The following SHANK2 variants were observed in gnomAD, a reference collection of about 807,000 sequenced individuals.
SHANK2 encodes SH3 and multiple ankyrin repeat domains 2, also known as SH3 and multiple ankyrin repeat domains protein 2.
In SHANK2, 43 loss-of-function variants were observed where a neutral mutation model predicts 133.7. That is an observed-to-expected ratio of 0.32 (90% CI 0.25 to 0.41). The LOEUF (loss-of-function observed/expected upper bound fraction) is 0.41. Among genes scored for constraint, SHANK2 ranks in the 10% least tolerant of loss-of-function variants. The pLI, the probability that SHANK2 is intolerant of heterozygous loss-of-function variation, is 1.00. For synonymous variants in SHANK2, 1,017 were observed against 952.8 expected (o/e 1.07, Z -1.24); for missense variants, 1,994 against 2,235.8 (o/e 0.89, Z 2.18).
intron 2 of SHANK2, among the ~76,000 whole-genome samples, chr11:71,183,159 A>G (rs1156844642): frequency 6.6e-6 from 1 of 152,198 alleles, no homozygotes; most frequent in Non-Finnish European, 1.5e-5. Flanking sequence ...AAGGCGAAAT[A>G]AAGAGGCTCT....
intron 2 of SHANK2, among the ~76,000 whole-genome samples, chr11:71,182,860 T>C (rs1318813318): frequency 6.6e-6 from 1 of 152,162 alleles, no homozygotes; most frequent in African/African-American, 2.4e-5. Context: ...AGCTCAATGT[T>C]TCTCTCCCAC....
chr11:70,889,779 C>A (rs1171858961), intron 11 of SHANK2, among the ~76,000 whole-genome samples: 1 of 152,090 alleles, frequency 6.6e-6, no homozygotes, highest in African/African-American at 2.4e-5. Flanking sequence ...ACAGTCAGGA[C>A]CAGGACCAGG....
At chr11:70,580,931 CTCT>C (rs2060176966) in intron 17 of SHANK2, among the ~76,000 whole-genome samples, 1 of 152,234 alleles carries the variant, frequency 6.6e-6, no homozygotes, top group South Asian at 2.1e-4. Context: ...CCCCACACTC[CTCT>C]GTCACTCTGC....
chr11:70,914,207 C>T (rs1345104442), intron 10 of SHANK2, among the ~76,000 whole-genome samples: 1 of 152,042 alleles, frequency 6.6e-6, no homozygotes, highest in Non-Finnish European at 1.5e-5. Context: ...TTCCGGAAAT[C>T]GGGCTCTGGG....
chr11:70,715,434 C>T (rs1329106282), intron 14 of SHANK2, among the ~76,000 whole-genome samples: 2 of 152,190 alleles, frequency 1.3e-5, no homozygotes, highest in African/African-American at 4.8e-5. Context: ...CACACTAGCC[C>T]TTCTTGCAGC....
chr11:71,251,960 C>T (rs1948189337), intron 1 of SHANK2, among the ~76,000 whole-genome samples: 2 of 152,046 alleles, frequency 1.3e-5, no homozygotes, highest in Non-Finnish European at 2.9e-5. Context: ...CCGGCTCCTC[C>T]GCTGGGCTCG....
chr11:70,905,767 C>T (rs1013176157), intron 10 of SHANK2, among the ~76,000 whole-genome samples: 2 of 151,990 alleles, frequency 1.3e-5, no homozygotes, highest in Non-Finnish European at 2.9e-5. Context: ...TATAACAGAT[C>T]CATGCCTATT....
At chr11:71,095,857 T>C (rs1280968876) in intron 6 of SHANK2, among the ~76,000 whole-genome samples, 4 of 152,168 alleles carry the variant, frequency 2.6e-5, no homozygotes, top group Admixed American at 2.0e-4. Context: ...TGTGTAGACA[T>C]GCCAGCATCT....
intron 14 of SHANK2, among the ~76,000 whole-genome samples, chr11:70,716,901 C>A (rs998171072): frequency 4.0e-5 from 6 of 149,524 alleles, no homozygotes; most frequent in African/African-American, 9.9e-5. Flanking sequence ...CGGAGCCCCC[C>A]CCCCGCCCAA....
chr11:71,117,208 C>G (rs1292356197), intron 4 of SHANK2, among the ~76,000 whole-genome samples: 2 of 152,028 alleles, frequency 1.3e-5, no homozygotes, highest in South Asian at 2.1e-4. Context: ...TTAGTAGAGA[C>G]GGAGTTTCAC....
intron 3 of SHANK2, among the ~76,000 whole-genome samples, chr11:71,146,519 A>G (rs1467307486): frequency 6.6e-6 from 1 of 152,252 alleles, no homozygotes; most frequent in Non-Finnish European, 1.5e-5. Context: ...AAGGACAGAC[A>G]TCCAGGACAC....
intron 17 of SHANK2, among the ~76,000 whole-genome samples, chr11:70,649,417 C>A (rs181124111): frequency 6.6e-6 from 1 of 152,328 alleles, no homozygotes; most frequent in East Asian, 1.9e-4. Context: ...TCATCCCACT[C>A]TGCTTACTGT....
intron 11 of SHANK2, among the ~76,000 whole-genome samples, chr11:70,865,535 G>A (rs1949341361): frequency 6.6e-6 from 1 of 152,158 alleles, no homozygotes; most frequent in Admixed American, 6.5e-5. Flanking sequence ...AGATGCAGCT[G>A]CGCGTGCCTC....
At chr11:70,568,646 G>GGCCCCCCCC (rs2059999450) in intron 17 of SHANK2, among the ~76,000 whole-genome samples, 3 of 79,964 alleles carry the variant, frequency 3.8e-5, no homozygotes, top group Admixed American at 1.2e-4. Flanking sequence ...GCGGATTCCT[G>GGCCCCCCCC]CCCCCCCCGC....
chr11:71,248,896 C>A (rs1948131673), intron 1 of SHANK2, among the ~76,000 whole-genome samples: 1 of 152,246 alleles, frequency 6.6e-6, no homozygotes, highest in Non-Finnish European at 1.5e-5. Flanking sequence ...CACGGACTAA[C>A]TGGACTGTCC....
At chr11:70,841,292 C>T (rs560974507) in intron 11 of SHANK2, among the ~76,000 whole-genome samples, 5 of 152,226 alleles carry the variant, frequency 3.3e-5, no homozygotes, top group East Asian at 1.9e-4. Context: ...CAATTATCAC[C>T]GCAGTGAAAG....
chr11:70,848,480 C>T (rs1276924061), intron 11 of SHANK2, among the ~76,000 whole-genome samples: 1 of 152,160 alleles, frequency 6.6e-6, no homozygotes, highest in Non-Finnish European at 1.5e-5. Context: ...TTGGGAAACG[C>T]CAGATCAAAC....
At chr11:70,814,725 C>T (rs1555053916) in intron 12 of SHANK2, among the ~76,000 whole-genome samples, 1 of 152,232 alleles carries the variant, frequency 6.6e-6, no homozygotes, top group East Asian at 1.9e-4. Flanking sequence ...GACGCATGGA[C>T]AGGGCGGCAG....
intron 2 of SHANK2, among the ~76,000 whole-genome samples, chr11:71,166,036 C>G (rs185459623): frequency 6.6e-6 from 1 of 152,144 alleles, no homozygotes; most frequent in African/African-American, 2.4e-5. Context: ...CAGCCTGGAC[C>G]GACACCAACA....
Sources: allele counts gnomAD v4.1 joint callset (sites outside exome capture counted in the v4.1 genomes callset), GRCh38; gene constraint gnomAD v4.1.1; transcripts MANE v1.5; gene names NCBI Gene and HGNC (gene_info 2026-07-23, HGNC 2026-07-21).